The following PLCG1 variants were observed in gnomAD, a reference collection of about 807,000 sequenced individuals.
PLCG1 encodes the protein 1-phosphatidylinositol 4,5-bisphosphate phosphodiesterase gamma-1.
A neutral mutation model predicts 177.8 loss-of-function variants in PLCG1; 71 were observed. That is an observed-to-expected ratio of 0.40 (90% CI 0.33 to 0.49). The LOEUF is 0.49. Ranked by LOEUF, PLCG1 falls within the 20% of genes least tolerant of loss-of-function variation. The probability of loss-of-function intolerance (pLI) is 0.72; values close to 1 mark genes in which losing one functional copy is unlikely to be tolerated. For synonymous variants in PLCG1, 658 were observed against 647.9 expected, an observed-to-expected ratio of 1.02 and a Z score of -0.24; for missense variants, 1,281 against 1,709.0, an observed-to-expected ratio of 0.75 and a Z score of 4.42.
chr20:41,149,087 T>C (rs1157892092), intron 1 of PLCG1, among the ~76,000 whole-genome samples: 1 of 152,220 alleles, frequency 6.6e-6, no homozygotes. Context: ...AAAGTAAATA[T>C]GCAAGAAATT....
At chr20:41,139,942 T>C (rs892719175) in intron 1 of PLCG1, among the ~76,000 whole-genome samples, 9 of 152,230 alleles carry the variant, frequency 5.9e-5, no homozygotes, top group African/African-American at 1.9e-4. Context: ...AGAAAGTGTT[T>C]GCAGTTGTGC....
chr20:41,163,694 C>T lies in PLCG1; in HGVS notation c.892-21C>T. ...AGGGCAGGGACTCACTGTCTCTTCC[C>T]TTCCACATGTTTCTGGACAGTTTGT... On this transcript the variant is annotated intron_variant, in intron 9 of 31. Transcript: ENST00000685551. This position sits in a 1 kb window ranked among gnomAD's most constrained non-coding sequence, Gnocchi z 5.2. The T allele has an allele frequency of 6.6e-7, 1 of 1,517,856 alleles. No homozygotes were observed. Among genetic ancestry groups the T allele is most frequent in the South Asian group, 1.1e-5 (1 of 89,136 alleles). 94.0% of individuals were successfully genotyped at this position (1,517,856 alleles called of 1,614,324 possible).
chr20:41,168,582 C>T (rs1437447724), intron 20 of PLCG1, among the ~76,000 whole-genome samples, 185 bp from the exon 21 acceptor site: 1 of 152,234 alleles, frequency 6.6e-6, no homozygotes. Flanking sequence ...TCATATCTGT[C>T]CTGGAGCTTC....
At chr20:41,155,073 G>A (rs961306826) in intron 1 of PLCG1, among the ~76,000 whole-genome samples, 8 of 152,348 alleles carry the variant, frequency 5.3e-5, no homozygotes, top group Middle Eastern at 3.4e-3. Flanking sequence ...GCTGAGAAGG[G>A]AGGGGAGAAG....
Position 41,165,510 on chromosome 20 carries a change from A to G in PLCG1, c.1570A>G (p.Ser524Gly), listed in dbSNP as rs2035652734. 1 of 1,613,936 alleles carries G rather than the reference A, an allele frequency of 6.2e-7. No homozygotes were observed. Among genetic ancestry groups the G allele is most frequent in the Admixed American group, 1.7e-5 (1 of 60,002 alleles). The stretch of plus-strand genomic sequence containing the variant: ...CAAGATCTACTACTCTGAGGAGACC[A>G]GCAGTGACCAGGGCAACGAGGATGA... The part of the protein sequence containing the change: ...SSKIYYSEET[S>G]SDQGNEDEEE... The change falls in exon 15 of 32, where the codon AGC becomes GGC. Residue 524 changes from serine to glycine, a missense_variant. By Grantham distance (56) the Ser-to-Gly change is moderately conservative. Transcript: ENST00000685551. The surrounding 1 kb of genome is among the most constrained non-coding windows in gnomAD (Gnocchi z 6.6).
Position 41,148,977 on chromosome 20 carries a change from C to T in PLCG1, c.218-10629C>T, listed in dbSNP as rs191830918. On this transcript the variant is annotated intron_variant, in intron 1 of 31. Coordinates refer to ENST00000685551, the MANE Select transcript of PLCG1 (RefSeq NM_002660.3). This position sits in a 1 kb window ranked among gnomAD's most constrained non-coding sequence, Gnocchi z 4.3. ...ATTTCCTCACTCGGGAATTGGGGAC[C>T]CTAATACTTACTTCATAGTGTTATT... Among the ~76,000 whole-genome samples, 38 of 152,142 alleles carry T rather than the reference C, an allele frequency of 2.5e-4. 1 individual carries two copies. Among genetic ancestry groups the T allele is most frequent in the African/African-American group, 8.7e-4 (36 of 41,432 alleles).
Position 41,150,715 on chromosome 20 carries a change from TG to T in PLCG1, c.218-8889del, listed in dbSNP as rs1224930845. On this transcript the variant is annotated intron_variant, in intron 1 of 31. Transcript: ENST00000685551. The surrounding 1 kb of genome is among the most constrained non-coding windows in gnomAD (Gnocchi z 4.0). ...TGAATGCCCTGTTTGTGGAACTTAG[TG>T]GACTCCTGCACCTCTGTCTTGGTTT... 6.6e-6 allele frequency among the ~76,000 whole-genome samples: 1 copy of T among 152,194 alleles called. No individual in the cohort carries two copies. The highest frequency in any genetic ancestry group is 2.4e-5 in the African/African-American group (1 of 41,448).
intron 1 of PLCG1, among the ~76,000 whole-genome samples, chr20:41,154,441 C>T (rs1247488651): frequency 1.3e-5 from 2 of 152,366 alleles, no homozygotes; most frequent in African/African-American, 2.4e-5. Context: ...CTGAGGAGCC[C>T]TGCCTTTGCT....
rs1408629913 is a variant in PLCG1 at position 41,159,912 on chromosome 20, C to T, written c.413C>T (p.Thr138Ile). Residue 138 changes from threonine to isoleucine, a missense_variant, in exon 3 of 32, where the codon ACT becomes ATT. By Grantham distance (89) the Thr-to-Ile change is moderately conservative (BLOSUM62 -1). Coordinates refer to ENST00000685551, the MANE Select transcript of PLCG1 (RefSeq NM_002660.3). This position sits in a 1 kb window ranked among gnomAD's most constrained non-coding sequence, Gnocchi z 6.0. ...GTGAACATGTGGATCAAGGGCTTAACTTGGCTGATGGAGGATACATTGCAG... is the reference window on the plus strand; with the variant it reads ...GTGAACATGTGGATCAAGGGCTTAATTTGGCTGATGGAGGATACATTGCAG... ...DEVNMWIKGL[T>I]WLMEDTLQAP... The T allele has an allele frequency of 1.9e-6, 3 of 1,614,042 alleles. No homozygotes were observed. The highest frequency in any genetic ancestry group is 2.5e-6 in the Non-Finnish European group (3 of 1,180,024).
chr20:41,165,768 G>A lies in PLCG1; in HGVS notation c.1741G>A (p.Gly581Ser), dbSNP rs2035664991. ...EYCIETGAPD[G>S]SFLVRESETF... ...CTGCATCGAGACCGGAGCCCCTGAC[G>A]GCTCCTTCCTCGTGCGAGAGAGTGA... Residue 581 changes from glycine (G) to serine (S), a missense_variant, in exon 16 of 32, where the codon GGC becomes AGC. Coordinates refer to ENST00000685551, the MANE Select transcript of PLCG1 (RefSeq NM_002660.3). The surrounding 1 kb of genome is among the most constrained non-coding windows in gnomAD (Gnocchi z 6.6). 1 of 1,608,212 alleles carries A rather than the reference G, an allele frequency of 6.2e-7. No homozygotes were observed.
In PLCG1 at chr20:41,165,405, G is replaced by A. The variant is rs779669615; in HGVS notation, c.1509+38G>A. On this transcript the variant is annotated intron_variant, in intron 14 of 31. Transcript: ENST00000685551. The surrounding 1 kb of genome is among the most constrained non-coding windows in gnomAD (Gnocchi z 6.6). ...CCAGGCTGGGGGTGGTAGGCCAGTG[G>A]GTGTGAGGACCCTGGCTCACAAGTC... 6.2e-7 allele frequency: 1 copy of A among 1,613,890 alleles called. No homozygotes were observed. Among genetic ancestry groups the A allele is most frequent in the South Asian group, 1.1e-5 (1 of 91,070 alleles).
At position 41,172,331 on chromosome 20, in the gene PLCG1, G is replaced by A; in HGVS notation, c.2905+42G>A. On this transcript the variant is annotated intron_variant, in intron 25 of 31. Transcript: ENST00000685551. This position sits in a 1 kb window ranked among gnomAD's most constrained non-coding sequence, Gnocchi z 7.0. ...AGGCGGGGTGTGCATGTGCCTGGAG[G>A]GCCTGGTGGGTGCAAAAAGAGTATT... is the stretch of plus-strand genomic sequence containing the variant. The A allele has an allele frequency of 4.4e-6, 7 of 1,579,700 alleles. No individual in the cohort carries two copies. Among genetic ancestry groups the A allele is most frequent in the Non-Finnish European group, 6.1e-6 (7 of 1,148,616 alleles).
chr20:41,168,871 GT>G lies in PLCG1; in HGVS notation c.2483+2del. The G allele has an allele frequency of 6.3e-7, 1 of 1,599,238 alleles. No individual in the cohort carries two copies. Among genetic ancestry groups the G allele is most frequent in the Non-Finnish European group, 8.6e-7 (1 of 1,168,046 alleles). On this transcript the variant is annotated splice_donor_variant, in intron 21 of 31. Transcript: ENST00000685551. LOFTEE classifies it high-confidence loss of function. ...ATGTGGAGAAGCAAGAGGGAGGCTG[GT>G]AAGCCAGTGGTGTGGTAGGCCCAGA...
intron 24 of PLCG1, 163 bp downstream of exon 24, chr20:41,170,432 C>T (rs1285794368): frequency 3.0e-6 from 2 of 661,648 alleles, no homozygotes; most frequent in Non-Finnish European, 5.1e-6. Context: ...AAGAAACAGA[C>T]ACATAAGATG....
chr20:41,143,306 A>G (rs777307459), intron 1 of PLCG1, among the ~76,000 whole-genome samples: 12 of 152,182 alleles, frequency 7.9e-5, no homozygotes, highest in Non-Finnish European at 7.3e-5. Flanking sequence ...TTCCTGTGGG[A>G]TGTGGCTTCA....
chr20:41,143,393 T>G (rs917458461), intron 1 of PLCG1, among the ~76,000 whole-genome samples: 1 of 152,206 alleles, frequency 6.6e-6, no homozygotes, highest in African/African-American at 2.4e-5. Flanking sequence ...GAGACTGATT[T>G]TTCCCCCTTT....
At position 41,153,467 on chromosome 20, in the gene PLCG1, A is replaced by T. The variant is rs1322153928; in HGVS notation, c.218-6139A>T. ...TACCATGTCTAGCTAAGTTTTTTTA[A>T]TTTTTATTTTTTGCAGAGGTGGGGT... On this transcript the variant is annotated intron_variant, in intron 1 of 31. Coordinates refer to ENST00000685551, the MANE Select transcript of PLCG1 (RefSeq NM_002660.3). The surrounding 1 kb of genome is among the most constrained non-coding windows in gnomAD (Gnocchi z 5.1). 6.6e-6 allele frequency among the ~76,000 whole-genome samples: 1 copy of T among 152,054 alleles called. No individual in the cohort carries two copies. Among genetic ancestry groups the T allele is most frequent in the Non-Finnish European group, 1.5e-5 (1 of 68,026 alleles).
chr20:41,177,499 A>ATCAC lies in PLCG1; in HGVS notation c.*2995_*2998dup, dbSNP rs2036096502. 2 of 152,268 alleles carry ATCAC rather than the reference A, an allele frequency of 1.3e-5. No homozygotes were observed. The highest frequency in any genetic ancestry group is 2.4e-5 in the African/African-American group (1 of 41,460). 9.4% of individuals were successfully genotyped at this position (152,268 alleles called of 1,614,324 possible). ...CTCACTTGTCTTTCAACTTGAGCCC[A>ATCAC]TCACTCACCATGTGAGTTCTGTTGA... On this transcript the variant is annotated 3_prime_UTR_variant, in exon 32 of 32. Transcript: ENST00000685551.
At chr20:41,154,278 G>A (rs2035252305) in intron 1 of PLCG1, among the ~76,000 whole-genome samples, 1 of 152,146 alleles carries the variant, frequency 6.6e-6, no homozygotes, top group Non-Finnish European at 1.5e-5. Flanking sequence ...TGGCTTTTTT[G>A]AGCACAGGGG....
Sources: allele counts gnomAD v4.1 joint callset (sites outside exome capture counted in the v4.1 genomes callset), GRCh38; gene constraint gnomAD v4.1.1; non-coding constraint Gnocchi (gnomAD v3.1); transcripts MANE v1.5; gene names NCBI Gene and HGNC (gene_info 2026-07-23, HGNC 2026-07-21).